Variants in SUMF1 observed in about 807,000 individuals in gnomAD.
The protein encoded by SUMF1 is sulfatase modifying factor 1, also known as formylglycine-generating enzyme.
A neutral mutation model predicts 47.6 loss-of-function variants in SUMF1; 48 were observed. The observed-to-expected ratio is 1.01, with a 90% confidence interval of 0.80 to 1.28. SUMF1 has a LOEUF of 1.28. Among genes scored for constraint, SUMF1 ranks in the 50% most tolerant of loss-of-function variants. The probability of loss-of-function intolerance (pLI) is 0.00; values close to 1 mark genes in which losing one functional copy is unlikely to be tolerated. For synonymous variants in SUMF1, 230 were observed against 192.1 expected, an observed-to-expected ratio of 1.20 and a Z score of -1.63; for missense variants, 571 against 485.4, an observed-to-expected ratio of 1.18 and a Z score of -1.66.
At chr3:4,251,714 C>T (rs956233977) in intron 8 of SUMF1, among the ~76,000 whole-genome samples, 5 of 152,190 alleles carry the variant, frequency 3.3e-5, no homozygotes, top group Admixed American at 3.3e-4. Flanking sequence ...ATAGCATCTT[C>T]TTCTATTATA....
chr3:4,054,892 T>A (rs1338215922), intron 9 of SUMF1, among the ~76,000 whole-genome samples: 1 of 152,182 alleles, frequency 6.6e-6, no homozygotes, highest in Non-Finnish European at 1.5e-5. Context: ...AGTATCCCCA[T>A]GTTACAATGA....
chr3:4,081,040 G>C (rs543549436), intron 8 of SUMF1, among the ~76,000 whole-genome samples: 1 of 152,170 alleles, frequency 6.6e-6, no homozygotes, highest in African/African-American at 2.4e-5. Flanking sequence ...TACACATTAA[G>C]CGTTTAGCCC....
chr3:4,036,947 T>C (rs1694811395), intron 9 of SUMF1, among the ~76,000 whole-genome samples: 1 of 150,654 alleles, frequency 6.6e-6, no homozygotes, highest in African/African-American at 2.4e-5. Flanking sequence ...CACACTGTTC[T>C]GAACACTTTG....
chr3:4,139,887 G>A (rs776340469), intron 8 of SUMF1, among the ~76,000 whole-genome samples: 15 of 151,814 alleles, frequency 9.9e-5, no homozygotes, highest in Non-Finnish European at 2.1e-4. Context: ...AGTTTATTTG[G>A]GCTATTTGAA....
chr3:4,245,884 G>A (rs1179493084), intron 8 of SUMF1, among the ~76,000 whole-genome samples: 16 of 152,230 alleles, frequency 1.1e-4, no homozygotes, highest in Admixed American at 8.5e-4. Flanking sequence ...TTGCTGAGCT[G>A]TAATGTGCTC....
At chr3:4,401,488 G>C (rs1378721299) in intron 7 of SUMF1, among the ~76,000 whole-genome samples, 1 of 151,996 alleles carries the variant, frequency 6.6e-6, no homozygotes, top group Non-Finnish European at 1.5e-5. Flanking sequence ...CTCCATCACT[G>C]CCTACTTTCC....
chr3:4,458,894 A>G (rs2079737842), intron 1 of SUMF1, among the ~76,000 whole-genome samples: 1 of 152,208 alleles, frequency 6.6e-6, no homozygotes, highest in Non-Finnish European at 1.5e-5. Context: ...CATTTATGAC[A>G]GCATGGATGA....
chr3:4,360,583 T>C (rs1699727615), downstream of SUMF1, among the ~76,000 whole-genome samples: 1 of 152,194 alleles, frequency 6.6e-6, no homozygotes, highest in African/African-American at 2.4e-5. Flanking sequence ...TCTACCCACC[T>C]TGGCCTCCCA....
intron 8 of SUMF1, among the ~76,000 whole-genome samples, chr3:4,225,098 C>A (rs368313935): frequency 6.9e-5 from 10 of 144,318 alleles, no homozygotes; most frequent in African/African-American, 2.5e-4. Flanking sequence ...GACAAGGGAG[C>A]ATTTGAAGGA....
At chr3:4,191,789 T>A (rs1263782058) in intron 8 of SUMF1, among the ~76,000 whole-genome samples, 1 of 152,062 alleles carries the variant, frequency 6.6e-6, no homozygotes, top group Non-Finnish European at 1.5e-5. Context: ...GATTTATTGG[T>A]AGTTAAGAGT....
chr3:4,332,698 A>T (rs374494112), intron 8 of SUMF1, among the ~76,000 whole-genome samples: 174 of 152,316 alleles, frequency 1.1e-3, no homozygotes, highest in South Asian at 2.3e-3. Flanking sequence ...TAATTAGATT[A>T]CTGGCTTCAT....
rs989424498 is a variant in SUMF1 at position 4,320,062 on chromosome 3, C to T, written c.1014+56268G>A. 3.9e-5 allele frequency among the ~76,000 whole-genome samples: 6 copies of T among 152,140 alleles called. No homozygotes were observed. The South Asian group carries it at 1.2e-3, about 31-fold the overall frequency. Reference sequence around the variant, plus strand: ...GGCAATGAAACAATTCTGTATGATACTGTGATGGTGTATACATGACATTGT... The same window carrying T: ...GGCAATGAAACAATTCTGTATGATATTGTGATGGTGTATACATGACATTGT... On this transcript the variant is annotated intron_variant and NMD_transcript_variant, in intron 8 of 12. Transcript: ENST00000448413.
At chr3:4,357,055 GAAATCTAC>G (rs1437862514), downstream of SUMF1, among the ~76,000 whole-genome samples, 1 of 152,170 alleles carries the variant, frequency 6.6e-6, no homozygotes, top group Non-Finnish European at 1.5e-5. Context: ...GACTGATGGA[GAAATCTAC>G]ATCCCAGATC....
intron 8 of SUMF1, among the ~76,000 whole-genome samples, chr3:4,076,542 T>A (rs538685055): frequency 6.6e-6 from 1 of 152,114 alleles, no homozygotes; most frequent in African/African-American, 2.4e-5. Context: ...GAAACTACCA[T>A]CAGAGTGAAC....
At chr3:4,067,646 C>T (rs180946483) in intron 9 of SUMF1, among the ~76,000 whole-genome samples, 1 of 152,332 alleles carries the variant, frequency 6.6e-6, no homozygotes, top group East Asian at 1.9e-4. Flanking sequence ...AGAGCCTCAT[C>T]CACTCTGGGT....
chr3:4,275,027 C>G (rs1031285283), intron 8 of SUMF1, among the ~76,000 whole-genome samples: 2 of 152,148 alleles, frequency 1.3e-5, no homozygotes, highest in African/African-American at 4.8e-5. Context: ...CAGAAGTGTT[C>G]TGTGATGCAT....
At chr3:4,265,970 CATTT>C (rs1697185937) in intron 8 of SUMF1, among the ~76,000 whole-genome samples, 1 of 151,982 alleles carries the variant, frequency 6.6e-6, no homozygotes, top group South Asian at 2.1e-4. Context: ...TTCCCAGCAC[CATTT>C]ATTAAATAGG....
At chr3:4,126,220 C>T (rs182085525) in intron 8 of SUMF1, among the ~76,000 whole-genome samples, 475 of 150,980 alleles carry the variant, frequency 3.1e-3, no homozygotes, top group Non-Finnish European at 5.2e-3. Flanking sequence ...ATTTGTGCAT[C>T]CTAGATAATT....
chr3:4,049,435 C>T (rs73117901), intron 9 of SUMF1, among the ~76,000 whole-genome samples: 13,740 of 152,200 alleles, frequency 0.09, 754 homozygotes, highest in Middle Eastern at 0.16. Context: ...TGACCACCAC[C>T]ACAACAGACT....
Sources: allele counts gnomAD v4.1 joint callset (sites outside exome capture counted in the v4.1 genomes callset), GRCh38; gene constraint gnomAD v4.1.1; transcripts MANE v1.5; gene names NCBI Gene and HGNC (gene_info 2026-07-23, HGNC 2026-07-21).